Variants in LRP1B observed in about 807,000 individuals in gnomAD.
LRP1B encodes low-density lipoprotein receptor-related protein 1B.
In LRP1B, 217 loss-of-function variants were observed where a neutral mutation model predicts 556.6. That is an observed-to-expected ratio of 0.39 (90% confidence interval 0.35 to 0.44). The LOEUF (loss-of-function observed/expected upper bound fraction) is 0.44, where lower values mean the gene tolerates loss of function less well. LRP1B is among the 20% of genes least tolerant of loss of function. The pLI is 1.00. For missense variants in LRP1B, 5,053 were observed against 5,620.8 expected, an observed-to-expected ratio of 0.90 and a Z score of 3.23; for synonymous variants, 2,047 against 1,865.8, an observed-to-expected ratio of 1.10 and a Z score of -2.50.
At chr2:140,897,471 T>C (rs1049617731) in intron 23 of LRP1B, among the ~76,000 whole-genome samples, 1 of 152,178 alleles carries the variant, frequency 6.6e-6, no homozygotes, top group African/African-American at 2.4e-5. Context: ...ATAGTTAATA[T>C]TGAGGATCAA....
intron 3 of LRP1B, among the ~76,000 whole-genome samples, chr2:141,265,218 G>T (rs1215200034): frequency 2.0e-5 from 3 of 152,184 alleles, no homozygotes; most frequent in South Asian, 4.1e-4. Context: ...GATACCAGCG[G>T]CTGCAGAGGT....
At chr2:141,250,990 T>G (rs2105333916) in intron 4 of LRP1B, among the ~76,000 whole-genome samples, 1 of 152,316 alleles carries the variant, frequency 6.6e-6, no homozygotes, top group African/African-American at 2.4e-5. Flanking sequence ...AACATTTTCC[T>G]ACTAAGTCTT....
intron 66 of LRP1B, among the ~76,000 whole-genome samples, chr2:140,424,833 T>C (rs1685589350): frequency 6.6e-6 from 1 of 152,230 alleles, no homozygotes; most frequent in South Asian, 2.1e-4. Flanking sequence ...GGTTGCTGCC[T>C]TTAGAAAAGT....
intron 22 of LRP1B, among the ~76,000 whole-genome samples, chr2:140,905,953 C>G (rs1161795803): frequency 1.3e-5 from 2 of 151,842 alleles, no homozygotes; most frequent in Non-Finnish European, 2.9e-5. Flanking sequence ...AAAAATTTCC[C>G]TAAAAAAAAA....
chr2:141,944,356 A>G (rs1318317724), intron 1 of LRP1B, among the ~76,000 whole-genome samples: 1 of 152,214 alleles, frequency 6.6e-6, no homozygotes, highest in East Asian at 1.9e-4. Flanking sequence ...TAAATGTGAA[A>G]GTCCCAGACC....
chr2:141,664,563 A>G (rs942117281), intron 2 of LRP1B, among the ~76,000 whole-genome samples: 1 of 152,220 alleles, frequency 6.6e-6, no homozygotes, highest in Non-Finnish European at 1.5e-5. Context: ...ATACACCAAC[A>G]ATAGACAGGC....
At chr2:141,331,541 T>TTTCTTTTCTTTCTTTCTTTC (rs1687657263) in intron 3 of LRP1B, among the ~76,000 whole-genome samples, 30 of 144,756 alleles carry the variant, frequency 2.1e-4, no homozygotes, top group African/African-American at 7.1e-4. Context: ...TCTTTCTTTC[T>TTTCTTTTCTTTCTTTCTTTC]TTCTTTCTTT....
intron 3 of LRP1B, among the ~76,000 whole-genome samples, chr2:141,450,373 T>C (rs1681371749): frequency 6.6e-6 from 1 of 152,186 alleles, no homozygotes. Context: ...TTAACATCTT[T>C]AATCCTCAGT....
chr2:141,285,806 C>T (rs1285836320), intron 3 of LRP1B, among the ~76,000 whole-genome samples: 8 of 147,230 alleles, frequency 5.4e-5, no homozygotes, highest in African/African-American at 1.5e-4. Context: ...GTGGCTCACG[C>T]CTGTAATCCC....
chr2:141,967,047 T>A (rs563365380), intron 1 of LRP1B, among the ~76,000 whole-genome samples: 1 of 152,008 alleles, frequency 6.6e-6, no homozygotes, highest in African/African-American at 2.4e-5. Flanking sequence ...GATGACTATC[T>A]CCTTTCCCAT....
intron 59 of LRP1B, among the ~76,000 whole-genome samples, chr2:140,483,372 T>C (rs1688318080): frequency 6.6e-6 from 1 of 151,716 alleles, no homozygotes; most frequent in African/African-American, 2.4e-5. Flanking sequence ...CCTAAAGCTA[T>C]TAATAGATTC....
intron 1 of LRP1B, among the ~76,000 whole-genome samples, chr2:141,899,146 T>C (rs1432365055): frequency 6.6e-6 from 1 of 152,094 alleles, no homozygotes; most frequent in East Asian, 1.9e-4. Flanking sequence ...AGGGTGGCAG[T>C]GGAAAGATAC....
chr2:141,316,007 A>G (rs1329236952), intron 3 of LRP1B, among the ~76,000 whole-genome samples: 2 of 146,866 alleles, frequency 1.4e-5, no homozygotes, highest in Non-Finnish European at 3.0e-5. Context: ...GAGTTTTACT[A>G]TAGGGCTCAA....
chr2:140,632,592 G>A (rs1446910723), intron 41 of LRP1B, among the ~76,000 whole-genome samples: 1 of 152,002 alleles, frequency 6.6e-6, no homozygotes, highest in African/African-American at 2.4e-5. Flanking sequence ...AGAGGAAAAA[G>A]CATAAAGAAA....
intron 17 of LRP1B, among the ~76,000 whole-genome samples, chr2:140,987,720 C>T (rs113120731): frequency 6.6e-5 from 10 of 152,088 alleles, no homozygotes; most frequent in South Asian, 4.1e-4. Context: ...CATGGTGGCT[C>T]ACACCTGCAA....
At chr2:140,240,690 C>G (rs1259614648) in intron 87 of LRP1B, among the ~76,000 whole-genome samples, 1 of 150,864 alleles carries the variant, frequency 6.6e-6, no homozygotes, top group Admixed American at 6.6e-5. Flanking sequence ...AACTTAATCA[C>G]TGGTTAACCT....
chr2:140,242,959 T>TG (rs1681014028), intron 87 of LRP1B, among the ~76,000 whole-genome samples: 6 of 151,090 alleles, frequency 4.0e-5, no homozygotes, highest in Non-Finnish European at 7.4e-5. Context: ...AGAGAGAAGT[T>TG]TAAGGATGGA....
At chr2:141,067,104 A>T (rs1323692425) in intron 7 of LRP1B, among the ~76,000 whole-genome samples, 1 of 152,006 alleles carries the variant, frequency 6.6e-6, no homozygotes, top group Non-Finnish European at 1.5e-5. Flanking sequence ...ATAGTAACAT[A>T]ACCTCATTTT....
chr2:141,936,253 G>C (rs1210788563), intron 1 of LRP1B, among the ~76,000 whole-genome samples: 1 of 151,786 alleles, frequency 6.6e-6, no homozygotes, highest in Non-Finnish European at 1.5e-5. Context: ...AAAACAAAAA[G>C]AACTATTTAA....
Sources: allele counts gnomAD v4.1 joint callset (sites outside exome capture counted in the v4.1 genomes callset), GRCh38; gene constraint gnomAD v4.1.1; transcripts MANE v1.5; gene names NCBI Gene and HGNC (gene_info 2026-07-23, HGNC 2026-07-21).